Variants in GRM5 observed in about 807,000 individuals in gnomAD.
GRM5 encodes glutamate metabotropic receptor 5.
In GRM5, 19 loss-of-function variants were observed where a neutral mutation model predicts 83.1. The observed-to-expected ratio is 0.23, with a 90% CI of 0.16 to 0.34. GRM5 has a LOEUF of 0.34. Ranked by LOEUF, GRM5 falls within the 10% of genes least tolerant of loss-of-function variation. The pLI, the probability that GRM5 is intolerant of heterozygous loss-of-function variation, is 1.00. For missense variants in GRM5, 1,160 were observed against 1,588.3 expected (o/e 0.73, Z 4.58); for synonymous variants, 675 against 633.6 (o/e 1.07, Z -0.98).
intron 4 of GRM5, among the ~76,000 whole-genome samples, chr11:88,634,012 G>T (rs1392148370): frequency 1.3e-5 from 2 of 152,154 alleles, no homozygotes; most frequent in Non-Finnish European, 2.9e-5. Flanking sequence ...TGTACAGCAT[G>T]TTACTGTACT....
At chr11:88,708,251 C>T (rs956415289) in intron 3 of GRM5, among the ~76,000 whole-genome samples, 1 of 151,980 alleles carries the variant, frequency 6.6e-6, no homozygotes, top group Admixed American at 6.6e-5. Context: ...TACTTTAGCA[C>T]ATTTTTGTAA....
intron 3 of GRM5, among the ~76,000 whole-genome samples, chr11:88,667,405 T>A (rs546496115): frequency 6.6e-6 from 1 of 152,078 alleles, no homozygotes; most frequent in Admixed American, 6.5e-5. Flanking sequence ...TTAATAAGTA[T>A]GATGAATCCA....
At chr11:88,961,079 T>C (rs1938769146) in intron 2 of GRM5, among the ~76,000 whole-genome samples, 1 of 152,200 alleles carries the variant, frequency 6.6e-6, no homozygotes, top group Non-Finnish European at 1.5e-5. Context: ...TATCACTGGC[T>C]CTTTAATTTA....
chr11:88,860,431 G>C (rs1160381808), intron 2 of GRM5, among the ~76,000 whole-genome samples: 1 of 152,124 alleles, frequency 6.6e-6, no homozygotes, highest in Non-Finnish European at 1.5e-5. Context: ...TCAATGGGTC[G>C]GGTGGATCGG....
intron 4 of GRM5, among the ~76,000 whole-genome samples, chr11:88,610,362 C>T (rs12271491): frequency 0.22 from 33,045 of 151,978 alleles, 3,581 homozygotes; most frequent in Middle Eastern, 0.26. Context: ...ATAGAATGTT[C>T]TTCCAATTGT....
At position 88,902,681 on chromosome 11, in the gene GRM5, T is replaced by C. The variant is rs538939200; in HGVS notation, c.662-52526A>G. Among the ~76,000 whole-genome samples, 12 of 151,116 alleles carry C rather than the reference T, an allele frequency of 7.9e-5. 1 individual carries two copies. In the East Asian group the frequency reaches 1.6e-3, roughly 20 times the overall value. ...GTGAAAATAAAGCAGAGAGGCCGGG[T>C]GCAGTAGTTCACGCCTGTAATCTCA... is the stretch of plus-strand genomic sequence containing the variant. On this transcript the variant is annotated intron_variant, in intron 2 of 9. Transcript: ENST00000305447.
At chr11:88,653,020 C>T (rs902833466) in intron 4 of GRM5, 148 bp downstream of exon 4, 2 of 598,012 alleles carry the variant, frequency 3.3e-6, no homozygotes, top group Non-Finnish European at 6.0e-6. Flanking sequence ...AGACTAAAAC[C>T]TGTTTATCAC....
intron 4 of GRM5, among the ~76,000 whole-genome samples, chr11:88,605,742 T>C (rs760333552): frequency 1.2e-4 from 18 of 152,216 alleles, no homozygotes; most frequent in Non-Finnish European, 2.5e-4. Flanking sequence ...GAGTGAGAAA[T>C]ATCCCTTCCA....
intron 3 of GRM5, among the ~76,000 whole-genome samples, chr11:88,838,336 T>C (rs586927): frequency 0.49 from 74,505 of 151,838 alleles, 21,657 homozygotes; most frequent in African/African-American, 0.77. Flanking sequence ...TAGTGACTCA[T>C]CTGTCTGGTG....
intron 2 of GRM5, among the ~76,000 whole-genome samples, chr11:88,940,895 G>T (rs538366847): frequency 7.9e-5 from 12 of 151,912 alleles, no homozygotes; most frequent in Non-Finnish European, 1.5e-4. Flanking sequence ...TTGTAATGCT[G>T]AATTTCATTT....
chr11:88,522,455 A>C (rs1941720295), intron 9 of GRM5, among the ~76,000 whole-genome samples: 2 of 152,114 alleles, frequency 1.3e-5, no homozygotes, highest in African/African-American at 4.8e-5. Context: ...TATGTGAACA[A>C]ATGTGAAGTT....
intron 2 of GRM5, among the ~76,000 whole-genome samples, chr11:88,878,788 C>T (rs1187714515): frequency 6.6e-6 from 1 of 152,124 alleles, no homozygotes; most frequent in African/African-American, 2.4e-5. Context: ...CATGCAATGG[C>T]TTGGAAAAAT....
intron 7 of GRM5, among the ~76,000 whole-genome samples, chr11:88,574,726 C>G (rs961464048): frequency 2.6e-5 from 4 of 152,086 alleles, no homozygotes; most frequent in Non-Finnish European, 4.4e-5. Flanking sequence ...AAGATTGCAC[C>G]ACTGCACTCC....
intron 2 of GRM5, among the ~76,000 whole-genome samples, chr11:88,979,458 T>C (rs1939452174): frequency 6.6e-6 from 1 of 152,222 alleles, no homozygotes; most frequent in Admixed American, 6.5e-5. Context: ...GACATAAATT[T>C]CCAAGTCATT....
At chr11:88,910,378 T>C (rs1283959894) in intron 2 of GRM5, among the ~76,000 whole-genome samples, 1 of 152,230 alleles carries the variant, frequency 6.6e-6, no homozygotes, top group Middle Eastern at 3.4e-3. Flanking sequence ...AACATTGATA[T>C]GCAAATATTT....
intron 3 of GRM5, among the ~76,000 whole-genome samples, chr11:88,659,888 T>TTTTC (rs5793341): frequency 0.71 from 108,134 of 151,932 alleles, 43,397 homozygotes; most frequent in South Asian, 0.92. Flanking sequence ...CAATATAATT[T>TTTTC]TTTCTTTCTT....
At chr11:88,744,784 T>A (rs1475621028) in intron 3 of GRM5, among the ~76,000 whole-genome samples, 8 of 152,142 alleles carry the variant, frequency 5.3e-5, no homozygotes, top group Admixed American at 2.0e-4. Flanking sequence ...CTATCAGAAG[T>A]ACTTTCGAGA....
intron 3 of GRM5, among the ~76,000 whole-genome samples, chr11:88,802,378 T>G (rs1458802164): frequency 6.6e-6 from 1 of 152,178 alleles, no homozygotes; most frequent in African/African-American, 2.4e-5. Flanking sequence ...AATAAAATCA[T>G]GTCTTTTGCA....
intron 2 of GRM5, among the ~76,000 whole-genome samples, chr11:88,967,520 T>A (rs2134997460): frequency 6.6e-6 from 1 of 152,066 alleles, no homozygotes; most frequent in South Asian, 2.1e-4. Context: ...CAAGAGTGCA[T>A]GCATGAGAGA....
Sources: gnomAD v4.1 joint callset for allele counts (sites outside exome capture counted in the v4.1 genomes callset) on GRCh38, gnomAD v4.1.1 for gene constraint, MANE v1.5 for transcripts, NCBI Gene and HGNC (gene_info 2026-07-23, HGNC 2026-07-21) for gene names.